Variants in NRCAM observed in about 807,000 individuals in gnomAD.
NRCAM encodes neuronal cell adhesion molecule, also known as NgCAM-related cell adhesion molecule.
NRCAM carries 83 observed loss-of-function variants against 156.5 expected under a neutral mutation model. The observed-to-expected ratio is 0.53, with a 90% confidence interval of 0.44 to 0.64. The LOEUF (loss-of-function observed/expected upper bound fraction) is 0.64, where lower values mean the gene tolerates loss of function less well. Among genes scored for constraint, NRCAM ranks in the 30% least tolerant of loss-of-function variants. The pLI is 0.00. For missense variants in NRCAM, 1,417 were observed against 1,597.3 expected, an observed-to-expected ratio of 0.89 and a Z score of 1.92; for synonymous variants, 538 against 563.9, an observed-to-expected ratio of 0.95 and a Z score of 0.65.
Position 108,203,892 on chromosome 7 carries a change from G to A in NRCAM, c.1207+3636C>T, listed in dbSNP as rs112869725. Among the ~76,000 whole-genome samples, 1,167 of 152,304 alleles carry A rather than the reference G, an allele frequency of 7.7e-3. 16 individuals carry two copies. The highest frequency in any genetic ancestry group is 0.027 in the African/African-American group (1,107 of 41,564). On this transcript the variant is annotated intron_variant, in intron 13 of 32. Transcript: ENST00000379028. The stretch of plus-strand genomic sequence containing the variant: ...CTTGTGCTCCCAGCTCACTTCTGGC[G>A]CCTATGCTAGGACCCCATGATGAAG...
intron 8 of NRCAM, among the ~76,000 whole-genome samples, chr7:108,226,686 G>A (rs376889549): frequency 5.9e-5 from 9 of 152,092 alleles, no homozygotes; most frequent in Admixed American, 2.0e-4. Flanking sequence ...AAAAGTTGGC[G>A]TGACTTTTCC....
intron 1 of NRCAM, among the ~76,000 whole-genome samples, chr7:108,439,977 A>G (rs1836780232): frequency 6.6e-6 from 1 of 152,180 alleles, no homozygotes; most frequent in South Asian, 2.1e-4. Flanking sequence ...TTAAATCAGA[A>G]ATATAAATAT....
intron 1 of NRCAM, among the ~76,000 whole-genome samples, chr7:108,428,114 TC>T (rs2040366264): frequency 6.6e-6 from 1 of 152,128 alleles, no homozygotes; most frequent in African/African-American, 2.4e-5. Context: ...TTTTAGAACT[TC>T]ATAAAAATAG....
chr7:108,306,689 T>C (rs1222214403), intron 3 of NRCAM, among the ~76,000 whole-genome samples: 1 of 152,144 alleles, frequency 6.6e-6, no homozygotes, highest in Non-Finnish European at 1.5e-5. Flanking sequence ...GGAAACATGC[T>C]ACGAAACAAA....
At chr7:108,353,362 T>G (rs952429408) in intron 2 of NRCAM, among the ~76,000 whole-genome samples, 2 of 151,720 alleles carry the variant, frequency 1.3e-5, no homozygotes, top group Non-Finnish European at 2.9e-5. Flanking sequence ...TTATTTTTAT[T>G]TTTATTTTGA....
chr7:108,337,654 C>A (rs186601868), intron 2 of NRCAM, among the ~76,000 whole-genome samples: 1 of 152,176 alleles, frequency 6.6e-6, no homozygotes, highest in East Asian at 1.9e-4. Context: ...TAACACTCAT[C>A]GCAAGGCCCA....
rs571133217 is a variant in NRCAM, at chr7:108,417,949, C to T, written c.-331-18356G>A. Among the ~76,000 whole-genome samples the T allele has an allele frequency of 3.0e-4, 45 of 152,286 alleles. 1 individual carries two copies. The highest frequency in any genetic ancestry group is 1.1e-3 in the African/African-American group (44 of 41,534). On this transcript the variant is annotated intron_variant, in intron 1 of 32. Transcript: ENST00000379028. ...TCAATATCACAAACCAAACTGCAAC[C>T]TTTTAGCCATTTAGCACTGAAAGTT...
intron 26 of NRCAM, among the ~76,000 whole-genome samples, chr7:108,177,527 G>A (rs144339355): frequency 0.011 from 1,694 of 152,028 alleles, 21 homozygotes; most frequent in Non-Finnish European, 0.02. Flanking sequence ...GGAGGCTGAC[G>A]GAGGAGAATG....
intron 3 of NRCAM, among the ~76,000 whole-genome samples, chr7:108,271,656 G>A (rs1383720362): frequency 1.3e-5 from 2 of 150,910 alleles, no homozygotes; most frequent in Non-Finnish European, 2.9e-5. Flanking sequence ...TTGTGCCATT[G>A]TACTCCAGCC....
At chr7:108,184,905 G>C (rs1459978878) in intron 20 of NRCAM, among the ~76,000 whole-genome samples, 1 of 150,762 alleles carries the variant, frequency 6.6e-6, no homozygotes. Context: ...ACTTTTTAGG[G>C]ATATATGGAT....
At chr7:108,223,649 ATAT>A in intron 11 of NRCAM, 73 bp downstream of exon 11, 1 of 697,840 alleles carries the variant, frequency 1.4e-6, no homozygotes, top group East Asian at 2.7e-5. Flanking sequence ...TCCTCCTATG[ATAT>A]TATTAACCTC....
intron 29 of NRCAM, 22 bp from the exon 30 acceptor site, chr7:108,167,095 A>T: frequency 6.3e-7 from 1 of 1,599,120 alleles, no homozygotes. Context: ...TTGCAAAAAC[A>T]ACACATTTGA....
intron 32 of NRCAM, among the ~76,000 whole-genome samples, chr7:108,155,573 C>G (rs2044848058): frequency 6.6e-6 from 1 of 151,996 alleles, no homozygotes; most frequent in African/African-American, 2.4e-5. Flanking sequence ...TGCTTCTGTT[C>G]CCTTGGTACC....
chr7:108,187,014 T>G lies in NRCAM; in HGVS notation c.2036-2400A>C, dbSNP rs10234410. Among the ~76,000 whole-genome samples, 953 of 151,148 alleles carry G rather than the reference T, an allele frequency of 6.3e-3. 9 individuals carry two copies. Among genetic ancestry groups the G allele is most frequent in the African/African-American group, 0.022 (894 of 41,356 alleles). On this transcript the variant is annotated intron_variant, in intron 20 of 32. Transcript: ENST00000379028. ...TCACTGTGTTTTTTTAATATCAGAA[T>G]TTAAAAGTTAAAACTTTAAAATTAT...
chr7:108,312,549 C>T (rs1257272940), intron 3 of NRCAM, 116 bp downstream of exon 3: 1 of 152,144 alleles, frequency 6.6e-6, no homozygotes, highest in Non-Finnish European at 1.5e-5. Flanking sequence ...TTTTATCATA[C>T]TCTCTGGATT....
chr7:108,411,540 ATT>A (rs1795338786), intron 1 of NRCAM, among the ~76,000 whole-genome samples: 1 of 152,160 alleles, frequency 6.6e-6, no homozygotes, highest in Admixed American at 6.5e-5. Flanking sequence ...GATCTTTTCT[ATT>A]TTTATAAAAT....
At chr7:108,347,802 AGC>A (rs1312439268) in intron 2 of NRCAM, among the ~76,000 whole-genome samples, 1 of 152,130 alleles carries the variant, frequency 6.6e-6, no homozygotes, top group Non-Finnish European at 1.5e-5. Context: ...GGCTACACAA[AGC>A]GCTCTCCTTG....
chr7:108,209,425 A>T lies in NRCAM; in HGVS notation c.1071T>A (p.Val357=). 1 of 1,583,336 alleles carries T rather than the reference A, an allele frequency of 6.3e-7. No homozygotes were observed. The change falls in exon 12 of 33, where the codon GTT becomes GTA. Residue 357 remains valine, a synonymous_variant. Coordinates refer to ENST00000379028, the MANE Select transcript of NRCAM (RefSeq NM_001037132.4). ...GAIHHTISVR[V]KAAPYWITAP... Reference sequence around the variant, plus strand: ...AATGGATTTTAAACAATATACCTTTAACTCTAACAGAAATGGTATGGTGGA... The same window carrying T: ...AATGGATTTTAAACAATATACCTTTTACTCTAACAGAAATGGTATGGTGGA...
chr7:108,387,267 TA>T (rs1260153468), intron 2 of NRCAM, among the ~76,000 whole-genome samples: 5 of 152,168 alleles, frequency 3.3e-5, no homozygotes, highest in Admixed American at 6.6e-5. Flanking sequence ...TAATAGGGAC[TA>T]AAAGTATGGA....
Sources: gnomAD v4.1 joint callset for allele counts (sites outside exome capture counted in the v4.1 genomes callset) on GRCh38, gnomAD v4.1.1 for gene constraint, MANE v1.5 for transcripts, NCBI Gene and HGNC (gene_info 2026-07-23, HGNC 2026-07-21) for gene names.